The following CDH8 variants were observed in gnomAD, a reference collection of about 807,000 sequenced individuals.
CDH8 encodes cadherin 8.
In CDH8, 17 loss-of-function variants were observed where a neutral mutation model predicts 68.1. The ratio of observed to expected loss-of-function variants is 0.25; its 90% confidence interval spans 0.17 to 0.37. The LOEUF (loss-of-function observed/expected upper bound fraction) is 0.37. CDH8 is among the 10% of genes least tolerant of loss of function. CDH8 has a pLI of 1.00. For missense variants in CDH8, 763 were observed against 999.3 expected (o/e 0.76, Z 3.19); for synonymous variants, 372 against 365.1 (o/e 1.02, Z -0.21).
chr16:61,989,228 A>G (rs540480823), intron 2 of CDH8, among the ~76,000 whole-genome samples: 16 of 152,344 alleles, frequency 1.1e-4, no homozygotes, highest in African/African-American at 3.6e-4. Context: ...ACAAATTTGT[A>G]TTCTTTGGCA....
intron 2 of CDH8, among the ~76,000 whole-genome samples, chr16:61,976,475 G>T (rs375698172): frequency 6.6e-6 from 1 of 152,062 alleles, no homozygotes; most frequent in South Asian, 2.1e-4. Flanking sequence ...GGGAATTCTA[G>T]ACCACCAGGA....
intron 2 of CDH8, among the ~76,000 whole-genome samples, chr16:61,998,916 A>G (rs1965849688): frequency 6.6e-6 from 1 of 152,222 alleles, no homozygotes; most frequent in Non-Finnish European, 1.5e-5. Flanking sequence ...AAAAGGACTC[A>G]GATCTAAGAA....
rs1244238705 is a variant in CDH8 at position 61,679,218 on chromosome 16, TG to T, written c.1655-23498del. On this transcript the variant is annotated intron_variant, in intron 10 of 11. Transcript: ENST00000577390. ...CAGTCTATGATGAATTCTTTAAAAA[TG>T]GAACAATGAGCAAGGATGTTGGATT... is the stretch of plus-strand genomic sequence containing the variant. Among the ~76,000 whole-genome samples, 6 of 152,042 alleles carry T rather than the reference TG, an allele frequency of 3.9e-5. No homozygotes were observed. The South Asian group carries it at 1.0e-3, about 26-fold the overall frequency.
chr16:61,653,325 G>A lies in CDH8; in HGVS notation c.*283C>T. The A allele has an allele frequency of 8.3e-7, 1 of 1,211,460 alleles. No individual in the cohort carries two copies. Among genetic ancestry groups the A allele is most frequent in the African/African-American group, 1.6e-5 (1 of 63,806 alleles). 75.0% of individuals were successfully genotyped at this position (1,211,460 alleles called of 1,614,324 possible). A position where few individuals can be genotyped will look rare whatever the true frequency, so the allele number is the denominator to read the frequency against. ...AACCATTTATCTAAGGATTAGCCAGGATCCCAATCTTTGTCTGTGGTGGTC... is the reference window on the plus strand; with the variant it reads ...AACCATTTATCTAAGGATTAGCCAGAATCCCAATCTTTGTCTGTGGTGGTC... On this transcript the variant is annotated 3_prime_UTR_variant, in exon 12 of 12. Transcript: ENST00000577390.
intron 10 of CDH8, among the ~76,000 whole-genome samples, chr16:61,664,609 A>G (rs1020528571): frequency 2.6e-5 from 4 of 151,972 alleles, no homozygotes; most frequent in African/African-American, 9.7e-5. Flanking sequence ...TAAGAGAAAT[A>G]TTGATGGTTT....
At chr16:61,729,246 A>G (rs911279783) in intron 8 of CDH8, among the ~76,000 whole-genome samples, 4 of 150,446 alleles carry the variant, frequency 2.7e-5, no homozygotes, top group African/African-American at 9.8e-5. Context: ...TTCATAGTAT[A>G]ATACTGATGA....
chr16:61,746,671 C>T (rs1308140507), intron 8 of CDH8, among the ~76,000 whole-genome samples: 1 of 151,434 alleles, frequency 6.6e-6, no homozygotes, highest in African/African-American at 2.4e-5. Context: ...TAGCAACAGA[C>T]AAAATTTACT....
intron 10 of CDH8, chr16:61,692,529 G>A (rs1478557778): frequency 6.6e-6 from 1 of 150,412 alleles, no homozygotes; most frequent in East Asian, 1.9e-4. Flanking sequence ...TATGTGTTGA[G>A]ATTTGTCCTG....
intron 3 of CDH8, among the ~76,000 whole-genome samples, chr16:61,889,653 C>A (rs991813353): frequency 7.9e-5 from 12 of 152,234 alleles, no homozygotes; most frequent in Admixed American, 5.9e-4. Context: ...ACTCCCCAGC[C>A]CCTTTTAATA....
intron 8 of CDH8, among the ~76,000 whole-genome samples, chr16:61,779,952 T>C (rs1016032739): frequency 3.9e-5 from 6 of 152,136 alleles, no homozygotes. Context: ...GGAAGGTGTT[T>C]AAGGACATAT....
intron 3 of CDH8, among the ~76,000 whole-genome samples, chr16:61,866,356 T>C (rs1448398168): frequency 6.6e-6 from 1 of 152,192 alleles, no homozygotes; most frequent in African/African-American, 2.4e-5. Context: ...TATAAGAATA[T>C]GCAAGAGAGC....
Position 61,652,441 on chromosome 16 carries a change from T to A in CDH8, c.*1167A>T, listed in dbSNP as rs1019968348. 3 of 985,418 alleles carry A rather than the reference T, an allele frequency of 3.0e-6. No individual in the cohort carries two copies. Among genetic ancestry groups the A allele is most frequent in the South Asian group, 9.4e-5 (2 of 21,302 alleles). 61.0% of individuals were successfully genotyped at this position (985,418 alleles called of 1,614,324 possible). ...TACTTTAGGATGTTTGTGCTTGTAGTAAAAACACCAAATACTAGGATTATG... is the reference window on the plus strand; with the variant it reads ...TACTTTAGGATGTTTGTGCTTGTAGAAAAAACACCAAATACTAGGATTATG... On this transcript the variant is annotated 3_prime_UTR_variant, in exon 12 of 12. Transcript: ENST00000577390.
At chr16:61,662,087 G>GTTTTTTTTTTTTTTTTTTTTGTT in intron 10 of CDH8, among the ~76,000 whole-genome samples, 1 of 92,792 alleles carries the variant, frequency 1.1e-5, no homozygotes, top group African/African-American at 4.0e-5. Context: ...TTTTACTTTA[G>GTTTTTTTTTTTTTTTTTTTTGTT]TTTTTTTTTT....
At chr16:62,031,794 A>T (rs966896396) in intron 1 of CDH8, among the ~76,000 whole-genome samples, 3 of 152,168 alleles carry the variant, frequency 2.0e-5, no homozygotes, top group African/African-American at 7.2e-5. Flanking sequence ...GATAAGAAAA[A>T]GAAACAGTAT....
intron 8 of CDH8, among the ~76,000 whole-genome samples, chr16:61,734,536 C>T (rs1455123968): frequency 6.6e-6 from 1 of 152,038 alleles, no homozygotes; most frequent in African/African-American, 2.4e-5. Flanking sequence ...GAGGCAAGTC[C>T]TTCCAGTTTT....
chr16:61,867,295 A>AT lies in CDH8; in HGVS notation c.548-10058dup, dbSNP rs768094130. Among the ~76,000 whole-genome samples the AT allele has an allele frequency of 1.1e-4, 17 of 151,962 alleles. No individual in the cohort carries two copies. In the South Asian group the frequency reaches 1.2e-3, roughly 11 times the overall value. On this transcript the variant is annotated intron_variant, in intron 3 of 11. Transcript: ENST00000577390. ...CCTATTTGAGCCCTTCATTGTTTTA[A>AT]TTTTTTTTAATTGAAATCCTGCTGT...
intron 10 of CDH8, among the ~76,000 whole-genome samples, chr16:61,691,502 T>C (rs1964222118): frequency 6.6e-6 from 1 of 151,896 alleles, no homozygotes; most frequent in African/African-American, 2.4e-5. Context: ...CCAATCTGCT[T>C]GAGATCCATT....
At chr16:62,000,023 C>T (rs1311392741) in intron 2 of CDH8, among the ~76,000 whole-genome samples, 3 of 151,734 alleles carry the variant, frequency 2.0e-5, no homozygotes, top group African/African-American at 7.3e-5. Context: ...CATGTGTTCT[C>T]ATTGTTCAAC....
At chr16:61,984,192 A>G (rs1231204113) in intron 2 of CDH8, among the ~76,000 whole-genome samples, 2 of 152,126 alleles carry the variant, frequency 1.3e-5, no homozygotes, top group African/African-American at 2.4e-5. Flanking sequence ...TGCTGGGATT[A>G]CAGGCGTTAG....
Sources: allele counts gnomAD v4.1 joint callset (sites outside exome capture counted in the v4.1 genomes callset), GRCh38; gene constraint gnomAD v4.1.1; transcripts MANE v1.5; gene names NCBI Gene and HGNC (gene_info 2026-07-23, HGNC 2026-07-21).